The following LRP1B variants were observed in gnomAD, a reference collection of about 807,000 sequenced individuals.
LRP1B encodes LDL receptor related protein 1B, also known as low-density lipoprotein receptor-related protein 1B.
A neutral mutation model predicts 556.6 loss-of-function variants in LRP1B; 217 were observed. The observed-to-expected ratio is 0.39, with a 90% CI of 0.35 to 0.44. The LOEUF (loss-of-function observed/expected upper bound fraction) is 0.44. LRP1B is among the 20% of genes least tolerant of loss of function. The pLI is 1.00. For missense variants in LRP1B, 5,053 were observed against 5,620.8 expected, an observed-to-expected ratio of 0.90 and a Z score of 3.23; for synonymous variants, 2,047 against 1,865.8, an observed-to-expected ratio of 1.10 and a Z score of -2.50.
chr2:140,506,708 G>T (rs888147911), intron 53 of LRP1B, 88 bp downstream of exon 53: 2 of 1,381,964 alleles, frequency 1.4e-6, no homozygotes, highest in Non-Finnish European at 2.0e-6. Flanking sequence ...GAAATGTGTT[G>T]CTTGTTGCTT....
intron 77 of LRP1B, among the ~76,000 whole-genome samples, chr2:140,345,650 A>ATG (rs891815096): frequency 8.1e-5 from 12 of 147,252 alleles, no homozygotes; most frequent in Non-Finnish European, 1.3e-4. Flanking sequence ...GTATGTATAT[A>ATG]TGTGTGTGTG....
chr2:142,039,588 G>A (rs531217592), intron 1 of LRP1B, among the ~76,000 whole-genome samples: 3 of 151,556 alleles, frequency 2.0e-5, no homozygotes, highest in Admixed American at 6.6e-5. Flanking sequence ...GAATTCCTGG[G>A]GTAGATGGGA....
chr2:141,623,890 G>A (rs763648720), intron 2 of LRP1B, among the ~76,000 whole-genome samples: 83 of 150,742 alleles, frequency 5.5e-4, no homozygotes, highest in Middle Eastern at 6.8e-3. Context: ...TGGCAGGTTC[G>A]TGTAATCCCA....
chr2:140,997,884 T>C (rs567647812), intron 15 of LRP1B, among the ~76,000 whole-genome samples: 7 of 152,100 alleles, frequency 4.6e-5, no homozygotes, highest in African/African-American at 1.4e-4. Context: ...CTTTAGATCA[T>C]AGCAGGATGA....
rs774959056 is a variant in LRP1B, at chr2:141,722,729, C to CATACATAG, written c.205+87549_205+87550insCTATGTAT. Reference sequence around the variant, plus strand: ...AGACAGATAGACAGGCAGATAGATACATAGATAGATAGATAGATAGATAGA... The same window carrying CATACATAG: ...AGACAGATAGACAGGCAGATAGATACATACATAGATAGATAGATAGATAGATAGATAGA... On this transcript the variant is annotated intron_variant, in intron 2 of 90. Coordinates refer to ENST00000389484, the MANE Select transcript of LRP1B (RefSeq NM_018557.3). Among the ~76,000 whole-genome samples the CATACATAG allele has an allele frequency of 2.3e-4, 33 of 146,090 alleles. No homozygotes were observed. In the South Asian group the frequency reaches 4.2e-3, roughly 19 times the overall value.
chr2:140,319,146 C>A (rs1367662804), intron 82 of LRP1B, among the ~76,000 whole-genome samples: 1 of 151,130 alleles, frequency 6.6e-6, no homozygotes, highest in Non-Finnish European at 1.5e-5. Context: ...TTGGACCAAA[C>A]AAAGAGGAAA....
intron 18 of LRP1B, 110 bp downstream of exon 18, chr2:140,982,048 CCT>C: frequency 5.4e-6 from 4 of 743,460 alleles, no homozygotes; most frequent in Non-Finnish European, 8.6e-6. Context: ...ATATCTTCTG[CCT>C]CTTTTACCTG....
chr2:140,410,535 G>A (rs1031036038), intron 66 of LRP1B, among the ~76,000 whole-genome samples: 6 of 151,910 alleles, frequency 3.9e-5, no homozygotes, highest in Admixed American at 1.3e-4. Context: ...GAGACAGCAC[G>A]CTATGAAAGA....
intron 66 of LRP1B, among the ~76,000 whole-genome samples, chr2:140,416,278 GGAT>G (rs1369282679): frequency 1.3e-5 from 2 of 152,148 alleles, no homozygotes; most frequent in African/African-American, 2.4e-5. Context: ...GTGGAGATGA[GGAT>G]GATACTAGAG....
chr2:141,434,284 T>C (rs976833684), intron 3 of LRP1B, among the ~76,000 whole-genome samples: 1 of 152,160 alleles, frequency 6.6e-6, no homozygotes, highest in African/African-American at 2.4e-5. Context: ...TTTTAACTTT[T>C]TTCCTCTTGT....
At chr2:141,866,242 T>C (rs1698410622) in intron 1 of LRP1B, among the ~76,000 whole-genome samples, 1 of 152,200 alleles carries the variant, frequency 6.6e-6, no homozygotes, top group South Asian at 2.1e-4. Flanking sequence ...CCTTAAGTCA[T>C]CTGCAGAGAA....
chr2:141,113,614 A>T (rs1272633003), intron 7 of LRP1B, among the ~76,000 whole-genome samples: 61 of 152,154 alleles, frequency 4.0e-4, no homozygotes, highest in Non-Finnish European at 2.9e-5. Flanking sequence ...ATTATTATGC[A>T]GAACCAACAC....
At chr2:141,803,022 T>C (rs1276089162) in intron 2 of LRP1B, among the ~76,000 whole-genome samples, 1 of 152,026 alleles carries the variant, frequency 6.6e-6, no homozygotes, top group Non-Finnish European at 1.5e-5. Context: ...TTTTACCTCA[T>C]TTCAAAGTTT....
At chr2:141,560,746 A>G (rs750486202) in intron 2 of LRP1B, among the ~76,000 whole-genome samples, 1 of 151,660 alleles carries the variant, frequency 6.6e-6, no homozygotes, top group Non-Finnish European at 1.5e-5. Flanking sequence ...GAGGTTTTAT[A>G]GAAAACTCCA....
chr2:140,999,122 G>T (rs568211379), intron 15 of LRP1B, among the ~76,000 whole-genome samples: 6 of 152,152 alleles, frequency 3.9e-5, no homozygotes, highest in Admixed American at 2.6e-4. Flanking sequence ...AAAAGGAACT[G>T]AAATAATTTC....
Position 140,243,282 on chromosome 2 carries a change from C to T in LRP1B, c.13325-3750G>A, listed in dbSNP as rs905948831. ...ACTCATGTCAAGGATTATGTCCTGG[C>T]AAGGAGAGTGTATCTAGTGATAAAC... On this transcript the variant is annotated intron_variant, in intron 87 of 90. Transcript: ENST00000389484. 5.3e-5 allele frequency among the ~76,000 whole-genome samples: 8 copies of T among 150,514 alleles called. No individual in the cohort carries two copies. In the East Asian group the frequency reaches 1.2e-3, roughly 22 times the overall value.
At chr2:141,448,685 C>T (rs1207751524) in intron 3 of LRP1B, among the ~76,000 whole-genome samples, 7 of 152,152 alleles carry the variant, frequency 4.6e-5, no homozygotes, top group Admixed American at 3.3e-4. Context: ...CCAGGTGAAG[C>T]GACACCCCAC....
chr2:141,189,655 A>T (rs996793978), intron 6 of LRP1B, among the ~76,000 whole-genome samples: 1 of 151,630 alleles, frequency 6.6e-6, no homozygotes, highest in Admixed American at 6.6e-5. Context: ...ACAATAAAAA[A>T]ATTCCATATT....
chr2:140,804,424 T>G (rs181637642), intron 32 of LRP1B, among the ~76,000 whole-genome samples: 2 of 152,024 alleles, frequency 1.3e-5, no homozygotes, highest in Admixed American at 6.5e-5. Context: ...TTTTATTGTA[T>G]GTATTTTTTA....
Sources: gnomAD v4.1 joint callset for allele counts (sites outside exome capture counted in the v4.1 genomes callset) on GRCh38, gnomAD v4.1.1 for gene constraint, MANE v1.5 for transcripts, NCBI Gene and HGNC (gene_info 2026-07-23, HGNC 2026-07-21) for gene names.